DLGAP2: variants seen among roughly 807,000 people sequenced by gnomAD.
The protein encoded by DLGAP2 is DLG associated protein 2.
A neutral mutation model predicts 100.3 loss-of-function variants in DLGAP2; 26 were observed. The observed-to-expected ratio is 0.26, with a 90% CI of 0.19 to 0.36. DLGAP2 has a LOEUF of 0.36. Ranked by LOEUF, DLGAP2 falls within the 10% of genes least tolerant of loss-of-function variation. DLGAP2 has a pLI of 1.00. For missense variants in DLGAP2, 1,858 were observed against 1,453.2 expected (o/e 1.28, Z -4.53); for synonymous variants, 886 against 630.1 (o/e 1.41, Z -6.08).
chr8:956,383 A>G (rs1362469576), intron 2 of DLGAP2, among the ~76,000 whole-genome samples: 2 of 152,184 alleles, frequency 1.3e-5, no homozygotes, highest in Non-Finnish European at 2.9e-5. Flanking sequence ...CGGTATTGAC[A>G]GGGTCACAGT....
At chr8:1,359,592 G>A (rs1801932829) in intron 3 of DLGAP2, among the ~76,000 whole-genome samples, 2 of 152,238 alleles carry the variant, frequency 1.3e-5, no homozygotes, top group Admixed American at 6.5e-5. Flanking sequence ...AGTGTGTGCT[G>A]TGGAGTCCCT....
chr8:772,010 C>G (rs1231080932), intron 1 of DLGAP2, among the ~76,000 whole-genome samples: 1 of 152,150 alleles, frequency 6.6e-6, no homozygotes, highest in Admixed American at 6.5e-5. Flanking sequence ...TCAAGCGATC[C>G]TCTTGCCTCA....
rs371420895 is a variant in DLGAP2 at position 1,108,335 on chromosome 8, G to T, written c.74-150516G>T. On this transcript the variant is annotated intron_variant, in intron 2 of 14. Coordinates refer to ENST00000637795, the MANE Select transcript of DLGAP2 (RefSeq NM_001346810.2). ...AATTTCTGAAAGTTAACCACTTTCA[G>T]CATTAATAGAACAAACGAAACCCTG... Among the ~76,000 whole-genome samples the T allele has an allele frequency of 5.5e-4, 84 of 152,304 alleles. No homozygotes were observed. In the Middle Eastern group the frequency reaches 0.014, roughly 25 times the overall value.
intron 2 of DLGAP2, among the ~76,000 whole-genome samples, chr8:1,145,374 C>G (rs186958732): frequency 6.6e-6 from 1 of 152,176 alleles, no homozygotes; most frequent in Non-Finnish European, 1.5e-5. Flanking sequence ...TTGTTGGCTG[C>G]GGTTCCACTC....
At position 860,593 on chromosome 8, in the gene DLGAP2, CAG is replaced by C. The variant is rs570808728; in HGVS notation, c.19-47316_19-47315del. ...ACTCAGTGGTTACTGTGGGGACTGA[CAG>C]AGTCTTCCTTTTCCAATCCCTAACC... is the stretch of plus-strand genomic sequence containing the variant. On this transcript the variant is annotated intron_variant, in intron 1 of 14. Coordinates refer to ENST00000637795, the MANE Select transcript of DLGAP2 (RefSeq NM_001346810.2). Among the ~76,000 whole-genome samples the C allele has an allele frequency of 1.8e-3, 271 of 152,352 alleles. 2 individuals are homozygous for C. Among genetic ancestry groups the C allele is most frequent in the African/African-American group, 6.1e-3 (254 of 41,584 alleles).
At chr8:862,031 C>T (rs76184676) in intron 1 of DLGAP2, among the ~76,000 whole-genome samples, 3 of 152,234 alleles carry the variant, frequency 2.0e-5, no homozygotes, top group Non-Finnish European at 4.4e-5. Flanking sequence ...TTCCAACCTT[C>T]TGCATCAGTG....
At chr8:757,902 C>A (rs531057826) in intron 1 of DLGAP2, among the ~76,000 whole-genome samples, 2 of 152,180 alleles carry the variant, frequency 1.3e-5, no homozygotes, top group African/African-American at 4.8e-5. Context: ...CTTGTCTCCT[C>A]GTTTCCCACC....
At chr8:887,557 G>T (rs1797947201) in intron 1 of DLGAP2, among the ~76,000 whole-genome samples, 1 of 152,194 alleles carries the variant, frequency 6.6e-6, no homozygotes, top group Admixed American at 6.5e-5. Context: ...AGCTCTTACA[G>T]GGCAGGCCTG....
rs1799645036 is a variant in DLGAP2, at chr8:1,704,193, A to G, written c.*2787A>G. 6.6e-6 allele frequency: 1 copy of G among 152,572 alleles called. No individual in the cohort carries two copies. The highest frequency in any genetic ancestry group is 6.5e-5 in the Admixed American group (1 of 15,286). The allele number at this position is 152,572 out of a possible 1,614,324, so 9.5% of individuals were successfully genotyped here. A position where few individuals can be genotyped will look rare whatever the true frequency, so the allele number is the denominator to read the frequency against. On this transcript the variant is annotated 3_prime_UTR_variant, in exon 15 of 15. Transcript: ENST00000637795. Reference sequence around the variant, plus strand: ...GCTCACGACGTGTGACCATTTCGTCATATTTAAAATATAACTTCAAGAAAA... The same window carrying G: ...GCTCACGACGTGTGACCATTTCGTCGTATTTAAAATATAACTTCAAGAAAA...
At chr8:867,550 T>C (rs567327653) in intron 1 of DLGAP2, among the ~76,000 whole-genome samples, 24 of 152,300 alleles carry the variant, frequency 1.6e-4, no homozygotes, top group African/African-American at 5.1e-4. Flanking sequence ...TATGCTGCAT[T>C]CAGGCTGGAC....
In DLGAP2 at chr8:1,178,707, C is replaced by T. The variant is rs751127753; in HGVS notation, c.74-80144C>T. ...AGTGCACAAAATGTAGAAGTTTTAG[C>T]AACTGCTGGGCAGTGCTTTTCTTCC... On this transcript the variant is annotated intron_variant, in intron 2 of 14. Transcript: ENST00000637795. Among the ~76,000 whole-genome samples, 8 of 152,144 alleles carry T rather than the reference C, an allele frequency of 5.3e-5. 1 individual carries two copies. Among genetic ancestry groups the T allele is most frequent in the Non-Finnish European group, 1.0e-4 (7 of 68,032 alleles).
At chr8:771,932 C>T (rs1159134997) in intron 1 of DLGAP2, among the ~76,000 whole-genome samples, 1 of 152,174 alleles carries the variant, frequency 6.6e-6, no homozygotes, top group Non-Finnish European at 1.5e-5. Context: ...GAGACAGGTT[C>T]TCTCTCTGTC....
At position 1,448,204 on chromosome 8, in the gene DLGAP2, G is replaced by A. The variant is rs375326042; in HGVS notation, c.107-53162G>A. Among the ~76,000 whole-genome samples the A allele has an allele frequency of 6.6e-5, 10 of 152,216 alleles. No individual in the cohort carries two copies. The East Asian group carries it at 1.9e-3, about 29-fold the overall frequency. The stretch of plus-strand genomic sequence containing the variant: ...AGGGTGTTGATTTTGGATCTTTCCT[G>A]CTTTCTTTTGTGGGCATTTAGTGCG... On this transcript the variant is annotated intron_variant, in intron 3 of 14. Transcript: ENST00000637795.
intron 3 of DLGAP2, among the ~76,000 whole-genome samples, chr8:1,265,917 A>G (rs1401780062): frequency 6.6e-6 from 1 of 152,224 alleles, no homozygotes; most frequent in Non-Finnish European, 1.5e-5. Context: ...TGACTCAGGT[A>G]TTTTTATAGA....
chr8:1,666,005 A>G (rs944980169), intron 8 of DLGAP2, among the ~76,000 whole-genome samples: 6 of 152,216 alleles, frequency 3.9e-5, no homozygotes, highest in African/African-American at 1.4e-4. Context: ...CATCAGAAGC[A>G]AGTGTTTAAA....
intron 1 of DLGAP2, among the ~76,000 whole-genome samples, chr8:903,133 G>A (rs1250852498): frequency 6.6e-6 from 1 of 151,984 alleles, no homozygotes; most frequent in East Asian, 1.9e-4. Flanking sequence ...GAGTTATCTT[G>A]TCGCCTCCAT....
chr8:1,041,321 T>G lies in DLGAP2; in HGVS notation c.73+133355T>G, dbSNP rs886371163. On this transcript the variant is annotated intron_variant, in intron 2 of 14. Coordinates refer to ENST00000637795, the MANE Select transcript of DLGAP2 (RefSeq NM_001346810.2). ...CGTGGAGATCGCCCCTCGCAGCTACTCTCAGCCTTTTTCTTTGGAGTTGGC... is the reference window on the plus strand; with the variant it reads ...CGTGGAGATCGCCCCTCGCAGCTACGCTCAGCCTTTTTCTTTGGAGTTGGC... Among the ~76,000 whole-genome samples, 5 of 152,120 alleles carry G rather than the reference T, an allele frequency of 3.3e-5. No individual in the cohort carries two copies. The South Asian group carries it at 8.3e-4, about 25-fold the overall frequency.
At chr8:1,366,870 T>C (rs1368065056) in intron 3 of DLGAP2, among the ~76,000 whole-genome samples, 1 of 152,252 alleles carries the variant, frequency 6.6e-6, no homozygotes, top group East Asian at 1.9e-4. Flanking sequence ...AATAACAGTG[T>C]TAACATTTAC....
chr8:1,208,791 G>C (rs1183951308), intron 2 of DLGAP2, among the ~76,000 whole-genome samples: 1 of 151,756 alleles, frequency 6.6e-6, no homozygotes, highest in East Asian at 1.9e-4. Flanking sequence ...CAAATTAGTA[G>C]CACTCCTATA....
Sources: allele counts gnomAD v4.1 joint callset (sites outside exome capture counted in the v4.1 genomes callset), GRCh38; gene constraint gnomAD v4.1.1; transcripts MANE v1.5; gene names NCBI Gene and HGNC (gene_info 2026-07-23, HGNC 2026-07-21).